The following WDR1 variants were observed in gnomAD, a reference collection of about 807,000 sequenced individuals.
WDR1 encodes WD repeat-containing protein 1.
WDR1 carries 21 observed loss-of-function variants against 71.9 expected under a neutral mutation model. That is an observed-to-expected ratio of 0.29 (90% CI 0.21 to 0.42). The LOEUF is 0.42. Among genes scored for constraint, WDR1 ranks in the 10% least tolerant of loss-of-function variants. WDR1 has a pLI of 1.00. For synonymous variants in WDR1, 424 were observed against 347.4 expected, an observed-to-expected ratio of 1.22 and a Z score of -2.45; for missense variants, 696 against 824.5, an observed-to-expected ratio of 0.84 and a Z score of 1.91.
chr4:10,100,801 C>G (rs1470864998), intron 3 of WDR1, among the ~76,000 whole-genome samples: 1 of 152,228 alleles, frequency 6.6e-6, no homozygotes, highest in South Asian at 2.1e-4. Flanking sequence ...GAAGTCACCA[C>G]AGGCTGGCAG....
chr4:10,078,273 C>T (rs562311032), intron 12 of WDR1, among the ~76,000 whole-genome samples: 158 of 152,338 alleles, frequency 1.0e-3, no homozygotes, highest in African/African-American at 3.6e-3. Context: ...GCCACGCCTG[C>T]TGCAGGACTG....
intron 1 of WDR1, 53 bp downstream of exon 1, chr4:10,116,598 C>A (rs1336640693): frequency 1.7e-6 from 2 of 1,164,500 alleles, no homozygotes; most frequent in Non-Finnish European, 2.1e-6. Flanking sequence ...GGCCGGGGAC[C>A]GGGGCCGGGG....
At chr4:10,093,472 T>G (rs1712139472) in intron 5 of WDR1, among the ~76,000 whole-genome samples, 1 of 152,204 alleles carries the variant, frequency 6.6e-6, no homozygotes, top group South Asian at 2.1e-4. Flanking sequence ...CAAAGTGCCC[T>G]GGGGCAGCCC....
At chr4:10,080,634 G>C (rs541365067) in intron 11 of WDR1, among the ~76,000 whole-genome samples, 162 of 152,316 alleles carry the variant, frequency 1.1e-3, no homozygotes, top group Non-Finnish European at 2.0e-3. Context: ...TGACTTCCCC[G>C]GTCTACATGC....
In WDR1 at chr4:10,088,705, G is replaced by A. The variant is rs1291452349; in HGVS notation, c.595C>T (p.Pro199Ser). 1 of 1,607,862 alleles carries A rather than the reference G, an allele frequency of 6.2e-7. No individual in the cohort carries two copies. The highest frequency in any genetic ancestry group is 8.5e-7 in the Non-Finnish European group (1 of 1,177,184). ...SRFVNCVRFS[P>S]DGNRFATASA... ...GCTGTGGCAAATCTGTTCCCATCAGGAGAGAATCGCACACAGTTGACAAAG... is the reference window on the plus strand; with the variant it reads ...GCTGTGGCAAATCTGTTCCCATCAGAAGAGAATCGCACACAGTTGACAAAG... The change falls in exon 6 of 15, where the codon CCT becomes TCT. Residue 199 changes from proline (P) to serine (S), a missense_variant. By Grantham distance (74) the Pro-to-Ser change is moderately conservative (BLOSUM62 -1). Coordinates refer to ENST00000499869, the MANE Select transcript of WDR1 (RefSeq NM_017491.5).
intron 12 of WDR1, 26 bp from the exon 13 acceptor site, chr4:10,077,952 A>G (rs761227021): frequency 2.5e-6 from 4 of 1,582,586 alleles, no homozygotes; most frequent in South Asian, 1.1e-5. Context: ...AGAGGAAGTG[A>G]GCCACCCCTG....
At position 10,087,724 on chromosome 4, in the gene WDR1, G is replaced by A. The variant is rs780919994; in HGVS notation, c.934C>T (p.Pro312Ser). Reference sequence around the variant, plus strand: ...GGCCTTACCTTGATGACGTGCAGGGGCTTGCTGGGGTTGTTTCTGTCCAGA... The same window carrying A: ...GGCCTTACCTTGATGACGTGCAGGGACTTGCTGGGGTTGTTTCTGTCCAGA... ...NYLDRNNPSK[P>S]LHVIKGHSKS... The change falls in exon 8 of 15, where the codon CCC (proline) becomes TCC (serine). Residue 312 changes from proline to serine, a missense_variant. Transcript: ENST00000499869. The A allele has an allele frequency of 3.1e-6, 5 of 1,596,378 alleles. No individual in the cohort carries two copies. In the South Asian group the frequency reaches 5.7e-5, roughly 18 times the overall value.
chr4:10,099,448 C>T (rs949008843), intron 3 of WDR1, among the ~76,000 whole-genome samples: 3 of 152,254 alleles, frequency 2.0e-5, no homozygotes, highest in East Asian at 3.8e-4. Flanking sequence ...AGAAAAAGCC[C>T]AGGGACACAT....
intron 2 of WDR1, among the ~76,000 whole-genome samples, chr4:10,106,018 A>G (rs927754892): frequency 4.0e-5 from 6 of 148,394 alleles, no homozygotes; most frequent in Admixed American, 2.0e-4. Flanking sequence ...AAGACTACAC[A>G]TTGCCTCTCA....
chr4:10,103,764 C>T lies in WDR1; in HGVS notation c.229+132G>A. ...TATACTGGCTCCCCTCAACTCACCACCCCCAGCCTGCTCCCCCACCCCCCA... is the reference window on the plus strand; with the variant it reads ...TATACTGGCTCCCCTCAACTCACCATCCCCAGCCTGCTCCCCCACCCCCCA... On this transcript the variant is annotated intron_variant, in intron 3 of 14. Coordinates refer to ENST00000499869, the MANE Select transcript of WDR1 (RefSeq NM_017491.5). 2 of 567,504 alleles carry T rather than the reference C, an allele frequency of 3.5e-6. 1 individual carries two copies. The highest frequency in any genetic ancestry group is 3.9e-5 in the South Asian group (2 of 51,038). The allele number at this position is 567,504 out of a possible 1,614,324, so 35.2% of individuals were successfully genotyped here.
intron 5 of WDR1, among the ~76,000 whole-genome samples, chr4:10,095,502 T>C (rs1439677426): frequency 6.6e-6 from 1 of 152,058 alleles, no homozygotes; most frequent in East Asian, 1.9e-4. Flanking sequence ...CTCCTCTCAC[T>C]TCCCCCAGCC....
At chr4:10,093,387 C>A (rs1159563476) in intron 5 of WDR1, among the ~76,000 whole-genome samples, 3 of 152,240 alleles carry the variant, frequency 2.0e-5, no homozygotes, top group Non-Finnish European at 4.4e-5. Flanking sequence ...TCCCAAAACA[C>A]CTTTACACCG....
At chr4:10,104,340 C>T (rs1712894829) in intron 2 of WDR1, among the ~76,000 whole-genome samples, 2 of 152,184 alleles carry the variant, frequency 1.3e-5, no homozygotes, top group South Asian at 2.1e-4. Flanking sequence ...TCTAATCCCT[C>T]CCATTTGTGG....
At chr4:10,083,519 G>A in intron 9 of WDR1, 1 of 479,690 alleles carries the variant, frequency 2.1e-6, no homozygotes. Flanking sequence ...ATGTTTTGGG[G>A]GCAGAGGGTG....
intron 11 of WDR1, 37 bp downstream of exon 11, chr4:10,081,320 T>A: frequency 1.2e-6 from 2 of 1,601,714 alleles, no homozygotes; most frequent in Non-Finnish European, 8.6e-7. Flanking sequence ...ACCACACAGC[T>A]GCAGGCTCCC....
intron 6 of WDR1, 108 bp from the exon 7 acceptor site, chr4:10,088,481 T>A: frequency 8.0e-7 from 1 of 1,248,288 alleles, no homozygotes; most frequent in South Asian, 1.3e-5. Flanking sequence ...CAGACTAAGC[T>A]CCCAGTGTGG....
chr4:10,077,168 A>T (rs1282523153), intron 14 of WDR1, 136 bp downstream of exon 14: 11 of 1,243,008 alleles, frequency 8.8e-6, no homozygotes, highest in Non-Finnish European at 7.7e-6. Flanking sequence ...GAGACCCACA[A>T]CTCTTCCGGG....
chr4:10,113,266 C>T (rs747954254), intron 2 of WDR1, among the ~76,000 whole-genome samples: 25 of 152,174 alleles, frequency 1.6e-4, no homozygotes, highest in Non-Finnish European at 3.4e-4. Flanking sequence ...GAGGCTGAGG[C>T]AGGAGATTTG....
At position 10,087,619 on chromosome 4, in the gene WDR1, CTTCCCCTCGG is replaced by C. The variant is rs143678810; in HGVS notation, c.951+78_951+87del. On this transcript the variant is annotated intron_variant, in intron 8 of 14. Coordinates refer to ENST00000499869, the MANE Select transcript of WDR1 (RefSeq NM_017491.5). Reference sequence around the variant, plus strand: ...GGACACCTCTCTAGCTTCCACCTGGCTTCCCCTCGGTTCCCCTTCCTTGCTGGCCACTCTG... The same window carrying C: ...GGACACCTCTCTAGCTTCCACCTGGCTTCCCCTTCCTTGCTGGCCACTCTG... 2.2e-3 allele frequency: 2,946 copies of C among 1,317,294 alleles called. 42 individuals carry two copies. The African/African-American group carries it at 0.038, about 17-fold the overall frequency. 81.6% of individuals were successfully genotyped at this position (1,317,294 alleles called of 1,614,324 possible). A position where few individuals can be genotyped will look rare whatever the true frequency, so the allele number is the denominator to read the frequency against.
Sources: gnomAD v4.1 joint callset for allele counts (sites outside exome capture counted in the v4.1 genomes callset) on GRCh38, gnomAD v4.1.1 for gene constraint, MANE v1.5 for transcripts, NCBI Gene and HGNC (gene_info 2026-07-23, HGNC 2026-07-21) for gene names.